The following CBLB variants were observed in gnomAD, a reference collection of about 807,000 sequenced individuals.
CBLB encodes the protein E3 ubiquitin-protein ligase CBL-B.
Under a neutral mutation model 104.9 loss-of-function variants are expected in CBLB, and 31 were observed. That is an observed-to-expected ratio of 0.30 (90% CI 0.22 to 0.40). CBLB has a LOEUF of 0.40. CBLB is among the 10% of genes least tolerant of loss of function. CBLB has a pLI of 1.00. For missense variants in CBLB, 1,062 were observed against 1,214.6 expected (o/e 0.87, Z 1.87); for synonymous variants, 440 against 422.6 (o/e 1.04, Z -0.51).
intron 3 of CBLB, among the ~76,000 whole-genome samples, chr3:105,786,070 GA>G (rs1560234360): frequency 1.1e-4 from 16 of 140,232 alleles, no homozygotes; most frequent in Admixed American, 3.6e-4. Context: ...TCGGGGGGGG[GA>G]AAGTGGGTAA....
intron 10 of CBLB, among the ~76,000 whole-genome samples, chr3:105,718,925 A>G (rs2072346301): frequency 6.6e-6 from 1 of 152,158 alleles, no homozygotes; most frequent in Admixed American, 6.5e-5. Flanking sequence ...TGACCACTGT[A>G]TTTCTGGTCT....
chr3:105,693,260 C>T (rs1214520662), intron 13 of CBLB, among the ~76,000 whole-genome samples: 1 of 152,012 alleles, frequency 6.6e-6, no homozygotes, highest in African/African-American at 2.4e-5. Context: ...AGCTTTCTCT[C>T]CCTGTTGCTC....
intron 12 of CBLB, among the ~76,000 whole-genome samples, chr3:105,699,173 T>C (rs2068767801): frequency 1.3e-5 from 2 of 152,100 alleles, no homozygotes; most frequent in African/African-American, 4.8e-5. Flanking sequence ...TATTGAGTGC[T>C]TACCAAGCAT....
chr3:105,687,164 GA>G (rs2067111079), intron 13 of CBLB, among the ~76,000 whole-genome samples: 1 of 152,034 alleles, frequency 6.6e-6, no homozygotes, highest in Non-Finnish European at 1.5e-5. Context: ...CATTTATAAT[GA>G]ATCCCTTTCT....
chr3:105,695,520 C>A (rs944502041), intron 12 of CBLB, among the ~76,000 whole-genome samples: 2 of 151,832 alleles, frequency 1.3e-5, no homozygotes, highest in African/African-American at 4.8e-5. Flanking sequence ...AGTAAAGCCA[C>A]AAAGTACAAT....
chr3:105,836,115 A>C (rs1415246143), intron 3 of CBLB, among the ~76,000 whole-genome samples: 1 of 152,212 alleles, frequency 6.6e-6, no homozygotes, highest in Non-Finnish European at 1.5e-5. Flanking sequence ...ATCTCTTGAT[A>C]AAGATGTGGG....
intron 9 of CBLB, among the ~76,000 whole-genome samples, chr3:105,731,289 C>T (rs1295400546): frequency 6.6e-6 from 1 of 152,116 alleles, no homozygotes; most frequent in East Asian, 1.9e-4. Flanking sequence ...ACAGTAAGTC[C>T]TCAATTAATA....
intron 9 of CBLB, among the ~76,000 whole-genome samples, chr3:105,729,600 T>G (rs973152933): frequency 6.6e-6 from 1 of 152,086 alleles, no homozygotes; most frequent in Non-Finnish European, 1.5e-5. Flanking sequence ...CCTAATACCT[T>G]GAGAACATTT....
intron 3 of CBLB, among the ~76,000 whole-genome samples, chr3:105,838,083 CT>C (rs11294272): frequency 0.86 from 99,414 of 116,216 alleles, 42,632 homozygotes; most frequent in Non-Finnish European, 0.91. Flanking sequence ...TCCTTTTTTT[CT>C]TTTTTTTTTT....
rs762704280 is a variant in CBLB, at chr3:105,704,021, T to A, written c.1560A>T (p.Arg520Ser). Reference sequence around the variant, plus strand: ...AACCCGTTGGGCTGCCACAGGGAGATCTAACTATGCCTTTCTGAATTAGAT... The same window carrying A: ...AACCCGTTGGGCTGCCACAGGGAGAACTAACTATGCCTTTCTGAATTAGAT... ...RLDLIQKGIV[R>S]SPCGSPTGSP... Residue 520 changes from arginine (R) to serine (S), a missense_variant, in exon 11 of 19, where the codon AGA becomes AGT. By Grantham distance (110) the Arg-to-Ser change is moderately radical. Coordinates refer to ENST00000394030, the MANE Select transcript of CBLB (RefSeq NM_170662.5). 1.2e-6 allele frequency: 2 copies of A among 1,614,120 alleles called. No individual in the cohort carries two copies. The highest frequency in any genetic ancestry group is 2.2e-5 in the East Asian group (1 of 44,878).
intron 3 of CBLB, among the ~76,000 whole-genome samples, chr3:105,781,868 T>C (rs1313532057): frequency 2.6e-5 from 4 of 152,202 alleles, no homozygotes; most frequent in Non-Finnish European, 2.9e-5. Context: ...AGCTAGAACA[T>C]GCTCTTCTTA....
At chr3:105,869,391 G>C, upstream of CBLB, 3 of 1,340,892 alleles carry the variant, frequency 2.2e-6, no homozygotes, top group Non-Finnish European at 2.0e-6. Context: ...AAAGCCATCT[G>C]GGGCTGAAAG....
chr3:105,819,825 G>C (rs1292996153), intron 3 of CBLB, among the ~76,000 whole-genome samples: 2 of 151,964 alleles, frequency 1.3e-5, no homozygotes, highest in Non-Finnish European at 2.9e-5. Flanking sequence ...CTTTATACCT[G>C]TATGTGAAAT....
At chr3:105,803,660 G>A (rs1473934865) in intron 3 of CBLB, among the ~76,000 whole-genome samples, 1 of 152,082 alleles carries the variant, frequency 6.6e-6, no homozygotes, top group Non-Finnish European at 1.5e-5. Flanking sequence ...ACTGGGGGTG[G>A]GAGTAAGGAG....
chr3:105,724,800 T>C (rs2073373428), intron 9 of CBLB, among the ~76,000 whole-genome samples: 1 of 152,174 alleles, frequency 6.6e-6, no homozygotes, highest in Non-Finnish European at 1.5e-5. Flanking sequence ...TTCCAGGCAC[T>C]GTTGTAAGCA....
chr3:105,835,450 A>T (rs1442746370), intron 3 of CBLB, among the ~76,000 whole-genome samples: 1 of 151,976 alleles, frequency 6.6e-6, no homozygotes, highest in Non-Finnish European at 1.5e-5. Flanking sequence ...AGAAATATTT[A>T]AATCTTTAAT....
intron 2 of CBLB, among the ~76,000 whole-genome samples, chr3:105,861,451 C>A (rs961780241): frequency 6.6e-6 from 1 of 152,052 alleles, no homozygotes; most frequent in Non-Finnish European, 1.5e-5. Flanking sequence ...CTCAAAACTT[C>A]TCTGTATATT....
In CBLB at chr3:105,708,624, T is replaced by C. The variant is rs527507117; in HGVS notation, c.1408-4451A>G. ...ACAGATCTCCTATATTTAAATTTCC[T>C]ATATTCAAATTGCTTATATTTAAAT... is the stretch of plus-strand genomic sequence containing the variant. On this transcript the variant is annotated intron_variant, in intron 10 of 18. Coordinates refer to ENST00000394030, the MANE Select transcript of CBLB (RefSeq NM_170662.5). 3.3e-5 allele frequency among the ~76,000 whole-genome samples: 5 copies of C among 152,160 alleles called. No individual in the cohort carries two copies. In the South Asian group the frequency reaches 8.3e-4, roughly 25 times the overall value.
intron 16 of CBLB, among the ~76,000 whole-genome samples, chr3:105,679,194 C>G (rs1476886278): frequency 6.6e-6 from 1 of 151,652 alleles, no homozygotes; most frequent in Non-Finnish European, 1.5e-5. Flanking sequence ...AATATAGAAC[C>G]TTCTCTGGTT....
Sources: allele counts gnomAD v4.1 joint callset (sites outside exome capture counted in the v4.1 genomes callset), GRCh38; gene constraint gnomAD v4.1.1; transcripts MANE v1.5; gene names NCBI Gene and HGNC (gene_info 2026-07-23, HGNC 2026-07-21).